Variants in NOS1 observed in about 807,000 individuals in gnomAD.
The protein encoded by NOS1 is nitric oxide synthase 1, also known as NOS type I.
Under a neutral mutation model 164.5 loss-of-function variants are expected in NOS1, and 51 were observed. That is an observed-to-expected ratio of 0.31 (90% CI 0.25 to 0.39). The LOEUF is 0.39. Ranked by LOEUF, NOS1 falls within the 10% of genes least tolerant of loss-of-function variation. NOS1 has a pLI of 1.00. For synonymous variants in NOS1, 719 were observed against 745.8 expected (o/e 0.96, Z 0.59); for missense variants, 1,362 against 1,885.6 (o/e 0.72, Z 5.14).
Position 117,231,951 on chromosome 12 carries a change from T to A in NOS1, c.3405+11A>T. 6.2e-7 allele frequency: 1 copy of A among 1,609,612 alleles called. No individual in the cohort carries two copies. Among genetic ancestry groups the A allele is most frequent in the Non-Finnish European group, 8.5e-7 (1 of 1,178,264 alleles). ...GCGCCCCCTAGGGTTGTGCGAAGCCTGGGGACCCACCTTGCTGAGGACCAG... is the reference window on the plus strand; with the variant it reads ...GCGCCCCCTAGGGTTGTGCGAAGCCAGGGGACCCACCTTGCTGAGGACCAG... On this transcript the variant is annotated intron_variant, in intron 22 of 28. Transcript: ENST00000317775.
chr12:117,222,204 G>T (rs914230394), intron 26 of NOS1, among the ~76,000 whole-genome samples: 5 of 151,962 alleles, frequency 3.3e-5, no homozygotes, highest in African/African-American at 1.2e-4. Context: ...GCCTATTCTG[G>T]ATATTACATA....
chr12:117,208,675 GAC>G lies in NOS1; in HGVS notation c.*6632_*6633del. 9.2e-7 allele frequency: 1 copy of G among 1,087,654 alleles called. No homozygotes were observed. Among genetic ancestry groups the G allele is most frequent in the Non-Finnish European group, 1.1e-6 (1 of 888,906 alleles). The allele number at this position is 1,087,654 out of a possible 1,614,324, so 67.4% of individuals were successfully genotyped here. ...AGTCTTAATCAGAACCAACACCAAG[GAC>G]ACAGTGTCTTATTGAAACAGACTGC... On this transcript the variant is annotated 3_prime_UTR_variant, in exon 29 of 29. Coordinates refer to ENST00000317775, the MANE Select transcript of NOS1 (RefSeq NM_000620.5).
chr12:117,275,904 C>T (rs73208112), intron 9 of NOS1, among the ~76,000 whole-genome samples: 1 of 152,158 alleles, frequency 6.6e-6, no homozygotes, highest in Non-Finnish European at 1.5e-5. Context: ...GAGTCTAGTG[C>T]CTCACGGTGG....
chr12:117,257,868 GA>G (rs1871588768), intron 16 of NOS1, among the ~76,000 whole-genome samples: 1 of 148,054 alleles, frequency 6.8e-6, no homozygotes, highest in African/African-American at 2.5e-5. Context: ...GCAATGGTGC[GA>G]TCTTGGCTCA....
intron 22 of NOS1, among the ~76,000 whole-genome samples, 187 bp downstream of exon 22, chr12:117,231,774 TG>T (rs1869256151): frequency 6.6e-6 from 1 of 152,208 alleles, no homozygotes; most frequent in African/African-American, 2.4e-5. Flanking sequence ...ACTCTTGCTC[TG>T]CCAGGCCTTA....
chr12:117,352,725 G>C (rs538013199), intron 1 of NOS1, among the ~76,000 whole-genome samples: 10 of 152,136 alleles, frequency 6.6e-5, no homozygotes, highest in African/African-American at 2.4e-4. Flanking sequence ...GAGAGAGAGA[G>C]AGATGTGTGT....
At chr12:117,314,687 A>T (rs1053898882) in intron 2 of NOS1, among the ~76,000 whole-genome samples, 3 of 152,044 alleles carry the variant, frequency 2.0e-5, no homozygotes, top group African/African-American at 7.3e-5. Context: ...GCTCACTGCA[A>T]CCTCTGCCTC....
intron 22 of NOS1, among the ~76,000 whole-genome samples, chr12:117,228,100 A>G (rs1321494198): frequency 6.6e-6 from 1 of 152,110 alleles, no homozygotes; most frequent in Non-Finnish European, 1.5e-5. Context: ...AAAGAAAGAA[A>G]AAGAGAGAGA....
rs199909431 is a variant in NOS1 at position 117,222,696 on chromosome 12, G to T, written c.3975+19C>A. The T allele has an allele frequency of 3.4e-5, 55 of 1,612,684 alleles. No individual in the cohort carries two copies. The Admixed American group carries it at 9.2e-4, about 27-fold the overall frequency. On this transcript the variant is annotated intron_variant, in intron 26 of 28. Transcript: ENST00000317775. The stretch of plus-strand genomic sequence containing the variant: ...CATGTGTGTTGGGCTGGGCTAGGGG[G>T]TGGGCTGCTGGGGGTTACCTTTGGT...
chr12:117,277,593 C>CA (rs533956256), intron 9 of NOS1, among the ~76,000 whole-genome samples: 128 of 150,214 alleles, frequency 8.5e-4, no homozygotes, highest in African/African-American at 2.8e-3. Flanking sequence ...GACCCTGTCT[C>CA]AAAAAAAAGA....
Position 117,212,604 on chromosome 12 carries a change from G to A in NOS1, c.*2705C>T, listed in dbSNP as rs964475010. On this transcript the variant is annotated 3_prime_UTR_variant, in exon 29 of 29. Coordinates refer to ENST00000317775, the MANE Select transcript of NOS1 (RefSeq NM_000620.5). Reference sequence around the variant, plus strand: ...TGGCCAAACTCACTTTTGTGAAATGGGGCTGGAGCTGCTACTGGTCAATTC... The same window carrying A: ...TGGCCAAACTCACTTTTGTGAAATGAGGCTGGAGCTGCTACTGGTCAATTC... 3.0e-6 allele frequency: 3 copies of A among 985,314 alleles called. No individual in the cohort carries two copies. Among genetic ancestry groups the A allele is most frequent in the African/African-American group, 3.5e-5 (2 of 57,250 alleles). 61.0% of individuals were successfully genotyped at this position (985,314 alleles called of 1,614,324 possible). A position where few individuals can be genotyped will look rare whatever the true frequency, so the allele number is the denominator to read the frequency against.
At chr12:117,232,192 T>C in intron 21 of NOS1, 61 bp from the exon 22 acceptor site, 3 of 1,533,264 alleles carry the variant, frequency 2.0e-6, no homozygotes, top group Non-Finnish European at 2.7e-6. Flanking sequence ...AAGTCGGGGG[T>C]TCAGGTCTGC....
chr12:117,243,396 T>C lies in NOS1; in HGVS notation c.2863A>G (p.Ile955Val), dbSNP rs1870345556. ...DVFCVGDDVN[I>V]EKANNSLISN... is the part of the protein sequence containing the mutation. ...ATGAGGGAATTGTTGGCCTTTTCAA[T>C]GTTGACATCATCTCCCACACAGAAG... The change falls in exon 19 of 29, where the codon ATT becomes GTT. Residue 955 changes from isoleucine (I) to valine (V), a missense_variant. Ile to Val is a conservative substitution (Grantham distance 29, BLOSUM62 3). Transcript: ENST00000317775. This position sits in a 1 kb window ranked among gnomAD's most constrained non-coding sequence, Gnocchi z 4.3. 9 of 1,614,188 alleles carry C rather than the reference T, an allele frequency of 5.6e-6. No homozygotes were observed. Among genetic ancestry groups the C allele is most frequent in the African/African-American group, 2.7e-5 (2 of 75,044 alleles).
intron 10 of NOS1, among the ~76,000 whole-genome samples, chr12:117,268,753 C>A (rs1057259621): frequency 1.6e-4 from 24 of 150,784 alleles, no homozygotes; most frequent in Non-Finnish European, 3.0e-4. Flanking sequence ...CCACGCCGGG[C>A]TAATTTTTTT....
At chr12:117,260,933 C>T (rs554676324) in intron 13 of NOS1, among the ~76,000 whole-genome samples, 6 of 151,204 alleles carry the variant, frequency 4.0e-5, no homozygotes, top group African/African-American at 7.3e-5. Context: ...TTTGGGAGGC[C>T]GAGGCAGGTG....
At chr12:117,345,835 G>A (rs1876324718) in intron 1 of NOS1, among the ~76,000 whole-genome samples, 1 of 152,134 alleles carries the variant, frequency 6.6e-6, no homozygotes, top group African/African-American at 2.4e-5. Flanking sequence ...CTCTAGCCTG[G>A]GTGAAAAAGC....
chr12:117,353,775 G>GT (rs61536991), intron 1 of NOS1, among the ~76,000 whole-genome samples: 49,780 of 151,838 alleles, frequency 0.33, 9,716 homozygotes, highest in East Asian at 0.45. Context: ...ACACCATATT[G>GT]TTTTTTTAAA....
chr12:117,218,108 C>G lies in NOS1; in HGVS notation c.4227G>C (p.Val1409=). 1.2e-6 allele frequency: 2 copies of G among 1,614,118 alleles called. No homozygotes were observed. Among genetic ancestry groups the G allele is most frequent in the South Asian group, 2.2e-5 (2 of 91,072 alleles). The change falls in exon 28 of 29, where the codon GTG becomes GTC. Residue 1409 remains valine, a synonymous_variant. Coordinates refer to ENST00000317775, the MANE Select transcript of NOS1 (RefSeq NM_000620.5). The part of the protein sequence containing the change: ...IFGVTLRTYE[V]TNRLRSESIA... ...TGGACTCAGATCTAAGGCGGTTGGT[C>G]ACTTCGTACGTTCGCAGGGTGACTC...
At chr12:117,361,331 C>G (rs1057403477) in intron 1 of NOS1, among the ~76,000 whole-genome samples, 181 bp downstream of exon 1, 27 of 151,660 alleles carry the variant, frequency 1.8e-4, no homozygotes, top group African/African-American at 3.9e-4. Flanking sequence ...CCCTCCCCTT[C>G]CCCTCCGCTT....
Sources: allele counts gnomAD v4.1 joint callset (sites outside exome capture counted in the v4.1 genomes callset), GRCh38; gene constraint gnomAD v4.1.1; non-coding constraint Gnocchi (gnomAD v3.1); transcripts MANE v1.5; gene names NCBI Gene and HGNC (gene_info 2026-07-23, HGNC 2026-07-21).